CENPF: variants seen among roughly 807,000 people sequenced by gnomAD.
The protein encoded by CENPF is centromere protein F, also known as AH antigen.
Under a neutral mutation model 307.3 loss-of-function variants are expected in CENPF, and 214 were observed. That is an observed-to-expected ratio of 0.70 (90% CI 0.62 to 0.78). The LOEUF (loss-of-function observed/expected upper bound fraction) is 0.78. Among genes scored for constraint, CENPF ranks in the 30% least tolerant of loss-of-function variants. The pLI, the probability that CENPF is intolerant of heterozygous loss-of-function variation, is 0.00. For missense variants in CENPF, 3,401 were observed against 3,483.9 expected (o/e 0.98, Z 0.60); for synonymous variants, 1,259 against 1,270.6 (o/e 0.99, Z 0.19).
intron 11 of CENPF, among the ~76,000 whole-genome samples, chr1:214,638,961 T>A (rs754001831): frequency 6.6e-6 from 1 of 152,220 alleles, no homozygotes; most frequent in East Asian, 1.9e-4. Flanking sequence ...CAGGTGATTG[T>A]TTGAGTTGCT....
Position 214,642,000 on chromosome 1 carries a change from A to C in CENPF, c.3662A>C (p.Glu1221Ala), listed in dbSNP as rs767952799. 6.2e-7 allele frequency: 1 copy of C among 1,610,650 alleles called. No individual in the cohort carries two copies. The highest frequency in any genetic ancestry group is 8.5e-7 in the Non-Finnish European group (1 of 1,179,180). Residue 1221 changes from glutamate (E) to alanine (A), a missense_variant, in exon 12 of 20, where the codon GAA becomes GCA. By Grantham distance (107) the Glu-to-Ala change is moderately radical (BLOSUM62 -1). Coordinates refer to ENST00000366955, the MANE Select transcript of CENPF (RefSeq NM_016343.4). ...VQLEAMLRNK[E>A]LKLQESEKEK... The stretch of plus-strand genomic sequence containing the variant: ...TTAGAAGCTATGCTAAGAAATAAGG[A>C]ATTAAAACTTCAGGAAAGTGAGAAG...
At chr1:214,661,810 C>A (rs1171275242) in intron 19 of CENPF, among the ~76,000 whole-genome samples, 3 of 151,930 alleles carry the variant, frequency 2.0e-5, no homozygotes, top group Non-Finnish European at 4.4e-5. Context: ...GAACTACATG[C>A]ATATTTGCCC....
chr1:214,606,427 G>C (rs1400535498), intron 1 of CENPF, among the ~76,000 whole-genome samples: 6 of 152,184 alleles, frequency 3.9e-5, no homozygotes, highest in Admixed American at 2.0e-4. Flanking sequence ...ACTGGGAACT[G>C]TGTGCCCCCC....
Position 214,659,756 on chromosome 1 carries a change from A to C in CENPF, c.9141+728A>C, listed in dbSNP as rs1448534817. The stretch of plus-strand genomic sequence containing the variant: ...AGAGTGAAGAACGTGAGACTCATAA[A>C]GATGTAACCTCCCAGTGTGAACCCC... On this transcript the variant is annotated intron_variant, in intron 19 of 19. Transcript: ENST00000366955. This position sits in a 1 kb window ranked among gnomAD's most constrained non-coding sequence, Gnocchi z 4.4. 6.6e-6 allele frequency among the ~76,000 whole-genome samples: 1 copy of C among 152,236 alleles called. No homozygotes were observed. The highest frequency in any genetic ancestry group is 1.5e-5 in the Non-Finnish European group (1 of 68,048).
At chr1:214,604,450 A>T (rs1052711817) in intron 1 of CENPF, among the ~76,000 whole-genome samples, 1 of 152,100 alleles carries the variant, frequency 6.6e-6, no homozygotes, top group African/African-American at 2.4e-5. Flanking sequence ...TGATCCCTTA[A>T]TGGGCCAAAA....
chr1:214,616,737 A>G (rs1003354156), intron 3 of CENPF, among the ~76,000 whole-genome samples: 3 of 152,136 alleles, frequency 2.0e-5, no homozygotes, highest in African/African-American at 7.2e-5. Flanking sequence ...TAGCTCATAC[A>G]TTGCCTCTTC....
Position 214,656,969 on chromosome 1 carries a change from C to G in CENPF, c.8522C>G (p.Thr2841Ser). 6.2e-7 allele frequency: 1 copy of G among 1,612,054 alleles called. No individual in the cohort carries two copies. Among genetic ancestry groups the G allele is most frequent in the Admixed American group, 1.7e-5 (1 of 59,696 alleles). Residue 2841 changes from threonine (T) to serine (S), a missense_variant, in exon 18 of 20, where the codon ACT becomes AGT. Transcript: ENST00000366955. ...GATACCAAGGTCGATGAATTAACAA[C>G]TGAGATCAAAGAACTGAAAGAAACT... ...VMDTKVDELT[T>S]EIKELKETLE... is the part of the protein sequence containing the mutation.
intron 1 of CENPF, chr1:214,605,949 C>T (rs1269517043): frequency 1.9e-6 from 3 of 1,597,324 alleles, no homozygotes; most frequent in Non-Finnish European, 1.7e-6. Context: ...GGGAAGGCGA[C>T]GCGCATGCCC....
chr1:214,641,554 AC>A lies in CENPF; in HGVS notation c.3217del (p.Gln1073SerfsTer2). 1 of 1,523,072 alleles carries A rather than the reference AC, an allele frequency of 6.6e-7. No individual in the cohort carries two copies. The highest frequency in any genetic ancestry group is 8.8e-7 in the Non-Finnish European group (1 of 1,141,654). The allele number at this position is 1,523,072 out of a possible 1,614,324, so 94.3% of individuals were successfully genotyped here. A position where few individuals can be genotyped will look rare whatever the true frequency, so the allele number is the denominator to read the frequency against. ...LCENRKNELE[Q>X]LKEAFAKEHQ... ...GTGAAAATAGGAAAAATGAGTTGGA[AC>A]AGCTAAAGGAAGCATTTGCAAAGGA... On this transcript the variant is annotated frameshift_variant, in exon 12 of 20. Coordinates refer to ENST00000366955, the MANE Select transcript of CENPF (RefSeq NM_016343.4). LOFTEE classifies it high-confidence loss of function.
At chr1:214,662,066 G>A (rs1658800296) in intron 19 of CENPF, among the ~76,000 whole-genome samples, 1 of 152,238 alleles carries the variant, frequency 6.6e-6, no homozygotes, top group Middle Eastern at 3.4e-3. Flanking sequence ...ATTGAGTCTA[G>A]AGGGGAGAAG....
At chr1:214,619,845 G>A (rs1657456897) in intron 5 of CENPF, among the ~76,000 whole-genome samples, 1 of 152,052 alleles carries the variant, frequency 6.6e-6, no homozygotes, top group South Asian at 2.1e-4. Context: ...GATGTCATTA[G>A]GATTCTGATA....
rs573629021 is a variant in CENPF, at chr1:214,659,237, C to G, written c.9141+209C>G. On this transcript the variant is annotated intron_variant, in intron 19 of 19. Coordinates refer to ENST00000366955, the MANE Select transcript of CENPF (RefSeq NM_016343.4). The surrounding 1 kb of genome is among the most constrained non-coding windows in gnomAD (Gnocchi z 4.4). Reference sequence around the variant, plus strand: ...TGATCTCATCCTTCAGTCAACAGGCCGCTTATATGTAGTTTGATGGAAAAT... The same window carrying G: ...TGATCTCATCCTTCAGTCAACAGGCGGCTTATATGTAGTTTGATGGAAAAT... Among the ~76,000 whole-genome samples the G allele has an allele frequency of 6.6e-6, 1 of 151,914 alleles. No homozygotes were observed. The highest frequency in any genetic ancestry group is 1.5e-5 in the Non-Finnish European group (1 of 67,992).
At position 214,646,220 on chromosome 1, in the gene CENPF, A is replaced by T. The variant is rs1185639814; in HGVS notation, c.6650A>T (p.Lys2217Ile). 1 of 1,613,288 alleles carries T rather than the reference A, an allele frequency of 6.2e-7. No individual in the cohort carries two copies. The highest frequency in any genetic ancestry group is 1.3e-5 in the African/African-American group (1 of 74,754). Reference sequence around the variant, plus strand: ...AGGTCTGAAAAAGAAAATCTGACAAAACAAATACAAGAAAAACAAGGTCAG... The same window carrying T: ...AGGTCTGAAAAAGAAAATCTGACAATACAAATACAAGAAAAACAAGGTCAG... ...TLRSEKENLTKQIQEKQGQLS... is the reference protein window; with the variant it reads ...TLRSEKENLTIQIQEKQGQLS... Residue 2217 changes from lysine to isoleucine, a missense_variant, in exon 13 of 20, where the codon AAA (lysine) becomes ATA (isoleucine). Physicochemically the swap from Lys to Ile is moderately radical, Grantham distance 102. Coordinates refer to ENST00000366955, the MANE Select transcript of CENPF (RefSeq NM_016343.4).
chr1:214,607,692 A>G (rs746821356), intron 1 of CENPF, among the ~76,000 whole-genome samples: 2 of 152,160 alleles, frequency 1.3e-5, no homozygotes, highest in Non-Finnish European at 2.9e-5. Flanking sequence ...GGGTCTCCTC[A>G]TCCAAAGCAG....
Position 214,641,041 on chromosome 1 carries a change from A to T in CENPF, c.2703A>T (p.Glu901Asp). Residue 901 changes from glutamate (E) to aspartate (D), a missense_variant, in exon 12 of 20, where the codon GAA becomes GAT. Physicochemically the swap from Glu to Asp is conservative, Grantham distance 45. Coordinates refer to ENST00000366955, the MANE Select transcript of CENPF (RefSeq NM_016343.4). ...CTGCTCACCAGAATGTTGTTGCTGA[A>T]ACCTTAAGTGCCCTTGAGAACAAGG... ...DTSAHQNVVA[E>D]TLSALENKEK... 6.4e-7 allele frequency: 1 copy of T among 1,565,830 alleles called. No homozygotes were observed. The highest frequency in any genetic ancestry group is 8.6e-7 in the Non-Finnish European group (1 of 1,164,030).
intron 1 of CENPF, among the ~76,000 whole-genome samples, chr1:214,606,914 C>G (rs1657049756): frequency 6.6e-6 from 1 of 152,284 alleles, no homozygotes; most frequent in South Asian, 2.1e-4. Flanking sequence ...AGGCTCTGAT[C>G]CCAGGCAGAT....
chr1:214,652,803 G>GT (rs748787539), intron 15 of CENPF, 25 bp from the exon 16 acceptor site: 80 of 1,531,706 alleles, frequency 5.2e-5, no homozygotes, highest in South Asian at 4.8e-4. Context: ...TAACATTTTG[G>GT]TTTTTTTTGT....
Position 214,657,074 on chromosome 1 carries a change from A to C in CENPF, c.8627A>C (p.Lys2876Thr), listed in dbSNP as rs1658654447. ...SLLISHEKLE[K>T]AKEMLETQVA... ...CTTATAAGCCATGAAAAGTTAGAGA[A>C]AGCTAAAGAGATGTTAGAGACACAA... The change falls in exon 18 of 20, where the codon AAA becomes ACA. Residue 2876 changes from lysine to threonine, a missense_variant. By Grantham distance (78) the Lys-to-Thr change is moderately conservative. Transcript: ENST00000366955. 6.2e-7 allele frequency: 1 copy of C among 1,614,052 alleles called. No individual in the cohort carries two copies. The highest frequency in any genetic ancestry group is 1.3e-5 in the African/African-American group (1 of 74,922).
Position 214,647,375 on chromosome 1 carries a change from T to C in CENPF, c.7805T>C (p.Met2602Thr), listed in dbSNP as rs769473489. 2 of 1,608,390 alleles carry C rather than the reference T, an allele frequency of 1.2e-6. No individual in the cohort carries two copies. The highest frequency in any genetic ancestry group is 2.2e-5 in the South Asian group (2 of 90,504). Residue 2602 changes from methionine (M) to threonine (T), a missense_variant, in exon 13 of 20, where the codon ATG (methionine) becomes ACG (threonine). Physicochemically the swap from Met to Thr is moderately conservative, Grantham distance 81. Coordinates refer to ENST00000366955, the MANE Select transcript of CENPF (RefSeq NM_016343.4). ...GAGAATGAGCTTGAATTGACAAAAA[T>C]GGACAAAATGTCCTTTGTTGAAAAA... Reference protein sequence around the residue: ...NLENELELTKMDKMSFVEKVN... With the variant: ...NLENELELTKTDKMSFVEKVN...
Sources: allele counts gnomAD v4.1 joint callset (sites outside exome capture counted in the v4.1 genomes callset), GRCh38; gene constraint gnomAD v4.1.1; non-coding constraint Gnocchi (gnomAD v3.1); transcripts MANE v1.5; gene names NCBI Gene and HGNC (gene_info 2026-07-23, HGNC 2026-07-21).